Variants in FHAD1 observed in about 807,000 individuals in gnomAD.
FHAD1 encodes forkhead-associated domain-containing protein 1.
In FHAD1, 146 loss-of-function variants were observed where a neutral mutation model predicts 191.3. The ratio of observed to expected loss-of-function variants is 0.76; its 90% CI spans 0.67 to 0.88. The LOEUF (loss-of-function observed/expected upper bound fraction) is 0.88, where lower values mean the gene tolerates loss of function less well. FHAD1 is among the 40% of genes least tolerant of loss of function. The probability of loss-of-function intolerance (pLI) is 0.00; values close to 1 mark genes in which losing one functional copy is unlikely to be tolerated. For missense variants in FHAD1, 1,635 were observed against 1,785.8 expected (o/e 0.92, Z 1.52); for synonymous variants, 616 against 672.3 (o/e 0.92, Z 1.29).
intron 2 of FHAD1, among the ~76,000 whole-genome samples, chr1:15,253,827 A>G (rs1647082173): frequency 6.6e-6 from 1 of 152,194 alleles, no homozygotes; most frequent in African/African-American, 2.4e-5. Flanking sequence ...GACTTCCAGT[A>G]GTCTGTTGCA....
chr1:15,345,217 G>T (rs192405238), intron 17 of FHAD1, 27 bp downstream of exon 17: 1 of 1,531,540 alleles, frequency 6.5e-7, no homozygotes, highest in Admixed American at 2.0e-5. Context: ...GACAGAGTCA[G>T]CTCGAGCCCC....
intron 31 of FHAD1, among the ~76,000 whole-genome samples, chr1:15,386,531 T>C (rs982072841): frequency 2.3e-4 from 35 of 152,236 alleles, no homozygotes; most frequent in Non-Finnish European, 4.4e-4. Context: ...CTTCGGCCTT[T>C]GTTAGGACTT....
chr1:15,264,825 T>C (rs945544461), intron 2 of FHAD1, among the ~76,000 whole-genome samples: 28 of 152,312 alleles, frequency 1.8e-4, no homozygotes, highest in Admixed American at 1.3e-3. Context: ...ATATGGCCTT[T>C]ATTATGTTGA....
At chr1:15,384,491 G>A (rs1279881132) in intron 31 of FHAD1, 1 of 152,346 alleles carries the variant, frequency 6.6e-6, no homozygotes, top group Non-Finnish European at 1.5e-5. Context: ...CACAGAATGG[G>A]ACGGCAGAGG....
intron 27 of FHAD1, 137 bp from the exon 28 acceptor site, chr1:15,375,466 G>A: frequency 1.3e-6 from 1 of 789,364 alleles, no homozygotes; most frequent in Non-Finnish European, 1.9e-6. Flanking sequence ...CTCTAGGACT[G>A]TGTCCTCATC....
At chr1:15,242,280 A>T (rs971494441), upstream of FHAD1, among the ~76,000 whole-genome samples, 5 of 151,756 alleles carry the variant, frequency 3.3e-5, no homozygotes, top group African/African-American at 1.2e-4. Context: ...GCACTTTGTA[A>T]TCTGGCAGCC....
intron 5 of FHAD1, 34 bp from the exon 6 acceptor site, chr1:15,301,171 C>T: frequency 6.5e-7 from 1 of 1,539,212 alleles, no homozygotes; most frequent in Non-Finnish European, 8.8e-7. Context: ...CCTAGGCCCA[C>T]ACCTAGTAAG....
chr1:15,384,900 G>T (rs756975236), intron 31 of FHAD1, among the ~76,000 whole-genome samples: 1 of 152,124 alleles, frequency 6.6e-6, no homozygotes, highest in Non-Finnish European at 1.5e-5. Flanking sequence ...TGAGGAGGTC[G>T]GAGGGCAGTG....
chr1:15,365,759 C>T (rs756113428), intron 23 of FHAD1, 68 bp from the exon 24 acceptor site: 7 of 990,444 alleles, frequency 7.1e-6, no homozygotes, highest in Non-Finnish European at 1.1e-5. Context: ...TACTTGGCCC[C>T]TCCTGACACT....
At chr1:15,308,812 C>A in intron 7 of FHAD1, 76 bp downstream of exon 7, 2 of 1,536,890 alleles carry the variant, frequency 1.3e-6, no homozygotes, top group Non-Finnish European at 8.8e-7. Context: ...CATCACCAAT[C>A]AACCACATAC....
At chr1:15,347,356 G>A (rs191111910) in intron 18 of FHAD1, among the ~76,000 whole-genome samples, 57 of 152,324 alleles carry the variant, frequency 3.7e-4, no homozygotes, top group African/African-American at 1.1e-3. Context: ...GGGTCACCCC[G>A]CGTCTGTTAA....
At chr1:15,334,366 C>G (rs1242324142) in intron 14 of FHAD1, 4 of 151,874 alleles carry the variant, frequency 2.6e-5, no homozygotes, top group Non-Finnish European at 5.9e-5. Context: ...GTCATCGGCT[C>G]AGGCAGTGAC....
At chr1:15,383,930 C>T (rs1357513188) in intron 31 of FHAD1, 15 of 412,382 alleles carry the variant, frequency 3.6e-5, no homozygotes, top group African/African-American at 1.5e-4. Flanking sequence ...CAGGGTTGGC[C>T]GTGAGTCCCC....
intron 3 of FHAD1, among the ~76,000 whole-genome samples, chr1:15,284,128 A>C (rs1256481523): frequency 1.3e-5 from 2 of 152,176 alleles, no homozygotes; most frequent in Non-Finnish European, 2.9e-5. Context: ...ACATATACAA[A>C]GGGCACAGCA....
chr1:15,321,199 T>C (rs1196078593), intron 10 of FHAD1, among the ~76,000 whole-genome samples: 1 of 152,238 alleles, frequency 6.6e-6, no homozygotes, highest in Non-Finnish European at 1.5e-5. Flanking sequence ...CCCAAAGTGC[T>C]GGGATTATAG....
chr1:15,305,179 T>C (rs1670069526), intron 6 of FHAD1, among the ~76,000 whole-genome samples: 1 of 152,172 alleles, frequency 6.6e-6, no homozygotes, highest in Non-Finnish European at 1.5e-5. Flanking sequence ...AGAGCTAGTG[T>C]CTATGTGGGG....
chr1:15,371,956 C>T (rs757599805), intron 26 of FHAD1, among the ~76,000 whole-genome samples: 12 of 152,342 alleles, frequency 7.9e-5, no homozygotes, highest in African/African-American at 9.6e-5. Context: ...TGCTCAGACA[C>T]AGTGCTGGGC....
intron 27 of FHAD1, 82 bp from the exon 28 acceptor site, chr1:15,375,521 C>A: frequency 7.6e-7 from 1 of 1,320,620 alleles, no homozygotes. Flanking sequence ...GTGTAAGTGT[C>A]CTGTAAATAG....
rs920552656 is a variant in FHAD1 at position 15,381,362 on chromosome 1, G to T, written c.3933G>T (p.Leu1311=). 1 of 1,551,800 alleles carries T rather than the reference G, an allele frequency of 6.4e-7. No individual in the cohort carries two copies. ...VNQLRQRDLD[L]VFDKITQLKN... is the part of the protein sequence containing the mutation. ...AGCTTCGACAAAGGGACCTCGACCTGGTGTTTGATAAGATCACCCAACTCA... is the reference window on the plus strand; with the variant it reads ...AGCTTCGACAAAGGGACCTCGACCTTGTGTTTGATAAGATCACCCAACTCA... Residue 1311 remains leucine, a synonymous_variant, in exon 30 of 34, where the codon CTG becomes CTT. Transcript: ENST00000688493. The surrounding 1 kb of genome is among the most constrained non-coding windows in gnomAD (Gnocchi z 4.6).
Sources: allele counts gnomAD v4.1 joint callset (sites outside exome capture counted in the v4.1 genomes callset), GRCh38; gene constraint gnomAD v4.1.1; non-coding constraint Gnocchi (gnomAD v3.1); transcripts MANE v1.5; gene names NCBI Gene and HGNC (gene_info 2026-07-23, HGNC 2026-07-21).